The following ZNF362 variants were observed in gnomAD, a reference collection of about 807,000 sequenced individuals.
The protein encoded by ZNF362 is zinc finger protein 362.
Under a neutral mutation model 42.9 loss-of-function variants are expected in ZNF362, and 11 were observed. That is an observed-to-expected ratio of 0.26 (90% CI 0.16 to 0.42). The LOEUF is 0.42. Among genes scored for constraint, ZNF362 ranks in the 20% least tolerant of loss-of-function variants. The pLI, the probability that ZNF362 is intolerant of heterozygous loss-of-function variation, is 1.00. For missense variants in ZNF362, 362 were observed against 576.2 expected (o/e 0.63, Z 3.81); for synonymous variants, 255 against 257.3 (o/e 0.99, Z 0.09).
the ZNF362 span, among the ~76,000 whole-genome samples, chr1:33,187,044 G>GA: frequency 6.6e-6 from 1 of 152,032 alleles, no homozygotes; most frequent in Non-Finnish European, 1.5e-5. Flanking sequence ...AAGGGGAACT[G>GA]AAGATTTATC....
chr1:33,149,299 C>T, the ZNF362 span, among the ~76,000 whole-genome samples: 68 of 152,104 alleles, frequency 4.5e-4, no homozygotes, highest in African/African-American at 1.1e-3. Flanking sequence ...ATTATAGGCA[C>T]GCGCCACCAC....
the ZNF362 span, among the ~76,000 whole-genome samples, chr1:33,179,121 T>A: frequency 1.3e-5 from 2 of 152,192 alleles, no homozygotes; most frequent in Admixed American, 1.3e-4. Context: ...GGACAGATGG[T>A]TTCAGACAGA....
chr1:33,218,252 G>A, the ZNF362 span, among the ~76,000 whole-genome samples: 2 of 152,192 alleles, frequency 1.3e-5, no homozygotes, highest in South Asian at 4.2e-4. Flanking sequence ...ATCAGCCTGG[G>A]CAACATAGGG....
chr1:33,282,787 AC>A lies in ZNF362; in HGVS notation c.908+977del, dbSNP rs202019867. On this transcript the variant is annotated intron_variant, in intron 6 of 8. Coordinates refer to ENST00000539719, the MANE Select transcript of ZNF362 (RefSeq NM_152493.3). ...CAGTGAGCCGAGATTGCGCCATTGC[AC>A]TCCAGCCTGGATGACAAGAGTGAAA... is the stretch of plus-strand genomic sequence containing the variant. 7.4e-4 allele frequency among the ~76,000 whole-genome samples: 111 copies of A among 149,880 alleles called. 1 individual carries two copies. The East Asian group carries it at 0.018, about 24-fold the overall frequency.
the ZNF362 span, among the ~76,000 whole-genome samples, chr1:33,240,829 GT>G: frequency 4.6e-5 from 7 of 152,256 alleles, no homozygotes; most frequent in South Asian, 1.2e-3. Context: ...ATTACCTGGC[GT>G]TTTCCCCCAT....
the ZNF362 span, among the ~76,000 whole-genome samples, chr1:33,187,163 T>G: frequency 6.6e-6 from 1 of 152,184 alleles, no homozygotes; most frequent in East Asian, 1.9e-4. Context: ...CATGTTTGAG[T>G]GTTGAGGCTG....
chr1:33,165,800 C>T, the ZNF362 span: 4 of 389,570 alleles, frequency 1.0e-5, no homozygotes, highest in Admixed American at 1.3e-4. This position sits in a 1 kb window ranked among gnomAD's most constrained non-coding sequence, Gnocchi z 4.0. Context: ...CCTCTTTGGC[C>T]ACCCTAGAGG....
At chr1:33,250,425 T>C in the ZNF362 span, among the ~76,000 whole-genome samples, 1 of 152,248 alleles carries the variant, frequency 6.6e-6, no homozygotes, top group Non-Finnish European at 1.5e-5. Context: ...AGCGAGACCA[T>C]GTCCTTTGTA....
At chr1:33,272,936 C>T (rs150927028) in intron 2 of ZNF362, among the ~76,000 whole-genome samples, 1 of 152,256 alleles carries the variant, frequency 6.6e-6, no homozygotes, top group South Asian at 2.1e-4. Flanking sequence ...GTCCTTCTGC[C>T]TTGTCCCTCT....
At chr1:33,286,799 C>G (rs920951046) in intron 6 of ZNF362, among the ~76,000 whole-genome samples, 2 of 152,266 alleles carry the variant, frequency 1.3e-5, no homozygotes, top group Middle Eastern at 3.4e-3. Context: ...TTATTTGTCC[C>G]TTGGCAGAGA....
At chr1:33,139,977 T>A in the ZNF362 span, among the ~76,000 whole-genome samples, 1 of 152,182 alleles carries the variant, frequency 6.6e-6, no homozygotes, top group Non-Finnish European at 1.5e-5. Flanking sequence ...GTGCATAGGT[T>A]GTAGACAGGG....
chr1:33,265,226 T>C (rs1483491753), intron 1 of ZNF362, among the ~76,000 whole-genome samples: 1 of 151,350 alleles, frequency 6.6e-6, no homozygotes, highest in East Asian at 2.0e-4. Context: ...GCCCCTTCCC[T>C]AGATGAGGGC....
the ZNF362 span, among the ~76,000 whole-genome samples, chr1:33,150,015 C>T: frequency 1.1e-4 from 17 of 152,310 alleles, no homozygotes; most frequent in East Asian, 7.7e-4. Context: ...CTGGCCACAC[C>T]GGCTTAGCAG....
At chr1:33,145,928 A>C in the ZNF362 span, 1 of 471,024 alleles carries the variant, frequency 2.1e-6, no homozygotes, top group East Asian at 7.0e-5. Flanking sequence ...TCCCCCAAAC[A>C]GAATCTCTTG....
intron 6 of ZNF362, among the ~76,000 whole-genome samples, chr1:33,283,394 A>G (rs539883442): frequency 6.6e-6 from 1 of 152,302 alleles, no homozygotes; most frequent in South Asian, 2.1e-4. Flanking sequence ...GGGACATGAT[A>G]TGTGGGTATG....
chr1:33,130,064 G>A, the ZNF362 span, among the ~76,000 whole-genome samples: 1 of 152,144 alleles, frequency 6.6e-6, no homozygotes, highest in Non-Finnish European at 1.5e-5. Flanking sequence ...TCACCATGTT[G>A]GTCAGGCTAG....
At chr1:33,192,922 G>A in the ZNF362 span, among the ~76,000 whole-genome samples, 12 of 151,352 alleles carry the variant, frequency 7.9e-5, no homozygotes, top group East Asian at 9.7e-4. Context: ...AAAATAGATA[G>A]TATGACCAAG....
Position 33,281,695 on chromosome 1 carries a change from T to C in ZNF362, c.792T>C (p.Phe264=). ...PHKCPHCSKS[F]ANASYLAQHL... Reference sequence around the variant, plus strand: ...AGTGCCCGCACTGCTCCAAGTCCTTTGCCAACGCCTCCTACCTGGCCCAGC... The same window carrying C: ...AGTGCCCGCACTGCTCCAAGTCCTTCGCCAACGCCTCCTACCTGGCCCAGC... The change falls in exon 6 of 9, where the codon TTT becomes TTC. Residue 264 remains phenylalanine (F), a synonymous_variant. Transcript: ENST00000539719. This position sits in a 1 kb window ranked among gnomAD's most constrained non-coding sequence, Gnocchi z 4.8. 6.2e-7 allele frequency: 1 copy of C among 1,614,254 alleles called. No individual in the cohort carries two copies. Among genetic ancestry groups the C allele is most frequent in the Non-Finnish European group, 8.5e-7 (1 of 1,180,048 alleles).
At chr1:33,157,791 C>T in the ZNF362 span, among the ~76,000 whole-genome samples, 5 of 150,930 alleles carry the variant, frequency 3.3e-5, no homozygotes, top group Non-Finnish European at 4.4e-5. Flanking sequence ...GAGTCTTGCT[C>T]TGTTGCCCAG....
Sources: allele counts gnomAD v4.1 joint callset (sites outside exome capture counted in the v4.1 genomes callset), GRCh38; gene constraint gnomAD v4.1.1; non-coding constraint Gnocchi (gnomAD v3.1); transcripts MANE v1.5; gene names NCBI Gene and HGNC (gene_info 2026-07-23, HGNC 2026-07-21).